RPH3A: variants seen among roughly 807,000 people sequenced by gnomAD.
RPH3A encodes the protein rabphilin-3A.
In RPH3A, 48 loss-of-function variants were observed where a neutral mutation model predicts 102.2. The observed-to-expected ratio is 0.47, with a 90% CI of 0.37 to 0.60. The LOEUF (loss-of-function observed/expected upper bound fraction) is 0.60, where lower values mean the gene tolerates loss of function less well. Among genes scored for constraint, RPH3A ranks in the 20% least tolerant of loss-of-function variants. The pLI is 0.00. For synonymous variants in RPH3A, 310 were observed against 324.3 expected, an observed-to-expected ratio of 0.96 and a Z score of 0.47; for missense variants, 781 against 910.1, an observed-to-expected ratio of 0.86 and a Z score of 1.83.
At chr12:112,868,075 A>G in intron 7 of RPH3A, 1 of 191,374 alleles carries the variant, frequency 5.2e-6, no homozygotes, top group Admixed American at 5.5e-5. Context: ...CACAACAACC[A>G]GTGTAGTGGA....
chr12:112,839,698 G>A (rs2042111004), intron 4 of RPH3A, among the ~76,000 whole-genome samples: 1 of 152,194 alleles, frequency 6.6e-6, no homozygotes, highest in Non-Finnish European at 1.5e-5. Flanking sequence ...TAGGAAAATA[G>A]ACTCTAGAGC....
chr12:112,746,783 G>A (rs1000251790), intron 1 of RPH3A, among the ~76,000 whole-genome samples: 1 of 152,086 alleles, frequency 6.6e-6, no homozygotes, highest in Non-Finnish European at 1.5e-5. Context: ...TCTGCCTCGT[G>A]CTCTCTGTGT....
chr12:112,681,572 T>C (rs2040226448), intron 1 of RPH3A, among the ~76,000 whole-genome samples: 1 of 152,194 alleles, frequency 6.6e-6, no homozygotes, highest in South Asian at 2.1e-4. Flanking sequence ...CCTAACTGCC[T>C]TTTCCATCTC....
intron 1 of RPH3A, among the ~76,000 whole-genome samples, chr12:112,608,055 A>G (rs563469867): frequency 8.7e-4 from 131 of 151,014 alleles, no homozygotes; most frequent in Non-Finnish European, 1.5e-3. Flanking sequence ...ATTTTCCTCT[A>G]TGCATTCATT....
intron 1 of RPH3A, among the ~76,000 whole-genome samples, chr12:112,604,077 T>C (rs1256482258): frequency 6.6e-6 from 1 of 152,194 alleles, no homozygotes; most frequent in Non-Finnish European, 1.5e-5. Flanking sequence ...TCATAAGCCA[T>C]TGAGGTAATC....
rs116331320 is a variant in RPH3A, at chr12:112,801,911, C to T, written c.-19+9648C>T. ...ATCTCATAGGTTCTCACTTCTTTTC[C>T]ACTCAGCAGTATGTTTTTAAGATCC... On this transcript the variant is annotated intron_variant, in intron 2 of 21. Coordinates refer to ENST00000389385, the MANE Select transcript of RPH3A (RefSeq NM_001143854.2). Among the ~76,000 whole-genome samples the T allele has an allele frequency of 2.9e-3, 441 of 152,314 alleles. 2 individuals are homozygous for T. The highest frequency in any genetic ancestry group is 0.01 in the African/African-American group (425 of 41,578).
intron 1 of RPH3A, among the ~76,000 whole-genome samples, chr12:112,651,439 T>G (rs780338261): frequency 5.9e-5 from 9 of 152,092 alleles, no homozygotes; most frequent in African/African-American, 9.7e-5. Flanking sequence ...CGCCCCCAGC[T>G]AAACCAAAAC....
chr12:112,752,968 C>CTTTTTTTTTT (rs3037266), intron 1 of RPH3A, among the ~76,000 whole-genome samples: 1 of 118,934 alleles, frequency 8.4e-6, no homozygotes, highest in African/African-American at 3.3e-5. Context: ...GTCCAGTTTT[C>CTTTTTTTTTT]TTTTTTTTTT....
chr12:112,690,044 A>T (rs532045779), intron 1 of RPH3A, among the ~76,000 whole-genome samples: 2 of 152,354 alleles, frequency 1.3e-5, no homozygotes, highest in East Asian at 3.9e-4. Flanking sequence ...TTCTTCCAAA[A>T]ATGTAAGAAG....
chr12:112,674,207 G>A (rs1368950080), intron 1 of RPH3A, among the ~76,000 whole-genome samples: 1 of 152,192 alleles, frequency 6.6e-6, no homozygotes, highest in Non-Finnish European at 1.5e-5. Context: ...ACAAGTGTGT[G>A]CCACCGCACT....
At chr12:112,705,966 G>A (rs879479223) in intron 1 of RPH3A, among the ~76,000 whole-genome samples, 1 of 152,162 alleles carries the variant, frequency 6.6e-6, no homozygotes, top group Non-Finnish European at 1.5e-5. Flanking sequence ...GAATATGATG[G>A]ATGTGGTTCC....
chr12:112,788,823 G>A (rs1222444565), upstream of RPH3A, among the ~76,000 whole-genome samples: 1 of 152,144 alleles, frequency 6.6e-6, no homozygotes, highest in Non-Finnish European at 1.5e-5. Flanking sequence ...CATCCTAAAT[G>A]ACTTTCATTT....
rs372047928 is a variant in RPH3A at position 112,847,856 on chromosome 12, C to T, written c.230+14C>T. 1 of 1,612,952 alleles carries T rather than the reference C, an allele frequency of 6.2e-7. No homozygotes were observed. Among genetic ancestry groups the T allele is most frequent in the Non-Finnish European group, 8.5e-7 (1 of 1,179,424 alleles). On this transcript the variant is annotated intron_variant, in intron 5 of 21. Transcript: ENST00000389385. ...GGAGCGAATCGGGTGAGGCTTAACGCTTCCCATTCACCCCAGAGCTGCTGT... is the reference window on the plus strand; with the variant it reads ...GGAGCGAATCGGGTGAGGCTTAACGTTTCCCATTCACCCCAGAGCTGCTGT...
intron 1 of RPH3A, among the ~76,000 whole-genome samples, chr12:112,671,133 G>A (rs945826950): frequency 6.6e-6 from 1 of 152,234 alleles, no homozygotes; most frequent in Non-Finnish European, 1.5e-5. Flanking sequence ...GATTGTGTCT[G>A]ACTTTGAAAA....
chr12:112,609,824 C>T (rs1286806373), intron 1 of RPH3A, among the ~76,000 whole-genome samples: 1 of 152,220 alleles, frequency 6.6e-6, no homozygotes, highest in African/African-American at 2.4e-5. Flanking sequence ...AAATCAACCC[C>T]AGCACAAGTC....
chr12:112,703,145 T>C (rs2040406159), intron 1 of RPH3A, among the ~76,000 whole-genome samples: 1 of 152,206 alleles, frequency 6.6e-6, no homozygotes, highest in South Asian at 2.1e-4. Context: ...CCTTTGCCAT[T>C]GCCTTGAGGA....
intron 4 of RPH3A, among the ~76,000 whole-genome samples, chr12:112,840,534 A>C (rs930076621): frequency 6.6e-6 from 1 of 151,974 alleles, no homozygotes; most frequent in African/African-American, 2.4e-5. Flanking sequence ...CTGAACCCAA[A>C]TTTCCGCAAA....
intron 5 of RPH3A, among the ~76,000 whole-genome samples, chr12:112,864,555 A>G (rs1240887715): frequency 6.6e-6 from 1 of 152,158 alleles, no homozygotes; most frequent in African/African-American, 2.4e-5. Context: ...TGTTTGTTAC[A>G]CAAGGAACTG....
intron 3 of RPH3A, among the ~76,000 whole-genome samples, chr12:112,835,316 TCTGTAAGATAAACAGTTGC>T (rs891263064): frequency 6.6e-6 from 1 of 152,224 alleles, no homozygotes; most frequent in Non-Finnish European, 1.5e-5. Flanking sequence ...AAAGTGTGTC[TCTGTAAGATAAACAGTTGC>T]CTGAAGGGTG....
Sources: allele counts gnomAD v4.1 joint callset (sites outside exome capture counted in the v4.1 genomes callset), GRCh38; gene constraint gnomAD v4.1.1; transcripts MANE v1.5; gene names NCBI Gene and HGNC (gene_info 2026-07-23, HGNC 2026-07-21).